SF1: variants seen among roughly 807,000 people sequenced by gnomAD.
The protein encoded by SF1 is splicing factor 1.
A neutral mutation model predicts 62.5 loss-of-function variants in SF1; 7 were observed. The observed-to-expected ratio is 0.11, with a 90% CI of 0.06 to 0.21. The LOEUF (loss-of-function observed/expected upper bound fraction) is 0.21, where lower values mean the gene tolerates loss of function less well. SF1 is among the 10% of genes least tolerant of loss of function. The pLI, the probability that SF1 is intolerant of heterozygous loss-of-function variation, is 1.00. For missense variants in SF1, 578 were observed against 884.0 expected (o/e 0.65, Z 4.39); for synonymous variants, 394 against 323.6 (o/e 1.22, Z -2.33).
At chr11:64,766,398 G>A in intron 12 of SF1, 2 of 574,936 alleles carry the variant, frequency 3.5e-6, no homozygotes, top group Non-Finnish European at 6.2e-6. Flanking sequence ...CCCTGGAAGG[G>A]CTGAGGGGAA....
chr11:64,765,810 A>ATT lies in SF1; in HGVS notation c.*7_*8insAA. ...TATATATAATATATATTTTCTTAAA[A>ATT]AACAAGTCTAGTTCTGTGGTGGAGG... is the stretch of plus-strand genomic sequence containing the variant. On this transcript the variant is annotated 3_prime_UTR_variant, in exon 13 of 13. Transcript: ENST00000377390. The ATT allele has an allele frequency of 6.5e-7, 1 of 1,531,602 alleles. No homozygotes were observed. The highest frequency in any genetic ancestry group is 8.8e-7 in the Non-Finnish European group (1 of 1,141,486). The allele number at this position is 1,531,602 out of a possible 1,614,324, so 94.9% of individuals were successfully genotyped here.
Position 64,765,259 on chromosome 11 carries a change from G to C in SF1, c.*559C>G, listed in dbSNP as rs1446281723. ...GAATCTAAATTGCAGCAGAAGACCG[G>C]GGAGAGCATCTCCTTGGACGGAGTC... On this transcript the variant is annotated 3_prime_UTR_variant, in exon 13 of 13. Transcript: ENST00000377390. 3.8e-6 allele frequency: 2 copies of C among 527,360 alleles called. No homozygotes were observed. The highest frequency in any genetic ancestry group is 3.9e-5 in the African/African-American group (2 of 50,658). 32.7% of individuals were successfully genotyped at this position (527,360 alleles called of 1,614,324 possible).
rs2058578231 is a variant in SF1 at position 64,765,473 on chromosome 11, G to A, written c.*345C>T. 1.9e-6 allele frequency: 3 copies of A among 1,613,482 alleles called. No individual in the cohort carries two copies. The highest frequency in any genetic ancestry group is 1.7e-4 in the Middle Eastern group (1 of 5,902). ...GAAGGGTCACCAATGGGCGCGGAAA[G>A]TCCTCACTCTCATGGCTCGGGCCAT... On this transcript the variant is annotated 3_prime_UTR_variant, in exon 13 of 13. Transcript: ENST00000377390.
At chr11:64,773,642 A>G in intron 2 of SF1, 137 bp from the exon 3 acceptor site, 1 of 951,956 alleles carries the variant, frequency 1.1e-6, no homozygotes, top group Non-Finnish European at 1.5e-6. Context: ...AACACATTGA[A>G]GCAAAAACCC....
Position 64,769,656 on chromosome 11 carries a change from CAA to C in SF1, c.480-49_480-48del, listed in dbSNP as rs756042005. The C allele has an allele frequency of 7.8e-6, 12 of 1,548,108 alleles. No individual in the cohort carries two copies. In the South Asian group the frequency reaches 9.3e-5, roughly 12 times the overall value. On this transcript the variant is annotated intron_variant, in intron 5 of 12. Transcript: ENST00000377390. ...AGTTTATACCTGACAAATTCACACTCAAGAGGGAAGAGAGGCTGGACCAATTT... is the reference window on the plus strand; with the variant it reads ...AGTTTATACCTGACAAATTCACACTCGAGGGAAGAGAGGCTGGACCAATTT...
Position 64,778,137 on chromosome 11 carries a change from G to A in SF1, c.31+225C>T. On this transcript the variant is annotated intron_variant, in intron 1 of 12. Transcript: ENST00000377390. Reference sequence around the variant, plus strand: ...GCGCCGGGGGACGGTGGCGGTGGAGGCGGCGGCGGCTGCTGGGGAGGCGGA... The same window carrying A: ...GCGCCGGGGGACGGTGGCGGTGGAGACGGCGGCGGCTGCTGGGGAGGCGGA... 3.7e-6 allele frequency: 3 copies of A among 811,016 alleles called. No individual in the cohort carries two copies. Among genetic ancestry groups the A allele is most frequent in the Non-Finnish European group, 4.6e-6 (3 of 652,710 alleles). The allele number at this position is 811,016 out of a possible 1,614,324, so 50.2% of individuals were successfully genotyped here. A position where few individuals can be genotyped will look rare whatever the true frequency, so the allele number is the denominator to read the frequency against.
chr11:64,778,532 G>T lies in SF1; in HGVS notation c.-140C>A. The T allele has an allele frequency of 1.7e-6, 2 of 1,198,010 alleles. No individual in the cohort carries two copies. Among genetic ancestry groups the T allele is most frequent in the Non-Finnish European group, 2.1e-6 (2 of 965,806 alleles). The allele number at this position is 1,198,010 out of a possible 1,614,324, so 74.2% of individuals were successfully genotyped here. ...CTCTCACGCGGCGGGCGGCGGCGGC[G>T]CGAGACGCACAAAGAGGGAGGAGAG... On this transcript the variant is annotated 5_prime_UTR_variant, in exon 1 of 13. Transcript: ENST00000377390.
chr11:64,768,022 T>C, intron 9 of SF1, 84 bp downstream of exon 9: 2 of 1,501,860 alleles, frequency 1.3e-6, no homozygotes, highest in South Asian at 2.5e-5. Flanking sequence ...TTGTCTGCTC[T>C]ACCCAAACCA....
chr11:64,767,388 A>G, intron 10 of SF1, 137 bp from the exon 11 acceptor site: 1 of 1,066,136 alleles, frequency 9.4e-7, no homozygotes, highest in Admixed American at 1.9e-5. Flanking sequence ...GTGCTTACCC[A>G]ACACAGAATC....
intron 2 of SF1, among the ~76,000 whole-genome samples, 194 bp from the exon 3 acceptor site, chr11:64,773,699 C>T (rs1397247636): frequency 6.6e-6 from 1 of 152,124 alleles, no homozygotes; most frequent in Non-Finnish European, 1.5e-5. Context: ...AGGTTTTTTT[C>T]ACTTCAAAAT....
chr11:64,773,157 A>T, intron 3 of SF1: 2 of 1,265,076 alleles, frequency 1.6e-6, no homozygotes, highest in Non-Finnish European at 2.0e-6. Context: ...AAGGGTGGGT[A>T]AATCAGGTTA....
intron 1 of SF1, 81 bp from the exon 2 acceptor site, chr11:64,776,707 C>G: frequency 7.4e-7 from 1 of 1,353,612 alleles, no homozygotes. Flanking sequence ...AGGTACTACA[C>G]AGAAACTCAG....
chr11:64,776,441 G>A, intron 2 of SF1, 57 bp downstream of exon 2: 1 of 1,545,812 alleles, frequency 6.5e-7, no homozygotes, highest in Non-Finnish European at 8.8e-7. Flanking sequence ...TGCAGATCTT[G>A]CTCAGAATAA....
At chr11:64,774,899 T>A (rs1024663980) in intron 2 of SF1, among the ~76,000 whole-genome samples, 1 of 150,130 alleles carries the variant, frequency 6.7e-6, no homozygotes, top group Non-Finnish European at 1.5e-5. Context: ...AGACGCAGGT[T>A]GCAGTGAGCC....
intron 2 of SF1, among the ~76,000 whole-genome samples, chr11:64,775,015 G>A (rs1401691997): frequency 2.6e-5 from 4 of 151,522 alleles, no homozygotes; most frequent in African/African-American, 9.7e-5. Context: ...AGTATGTACC[G>A]TGGGAGACAG....
intron 11 of SF1, 23 bp from the exon 12 acceptor site, chr11:64,767,102 A>G (rs2058732769): frequency 6.2e-7 from 1 of 1,607,506 alleles, no homozygotes; most frequent in Non-Finnish European, 8.5e-7. Context: ...GGAGGCAAAG[A>G]TGAGGCCTCA....
At chr11:64,776,014 T>C (rs1939166434) in intron 2 of SF1, 2 of 137,244 alleles carry the variant, frequency 1.5e-5, no homozygotes, top group African/African-American at 5.8e-5. Flanking sequence ...TAAACACACT[T>C]TCAGAACCAC....
At chr11:64,777,831 C>T (rs1390644359) in intron 1 of SF1, 3 of 950,044 alleles carry the variant, frequency 3.2e-6, no homozygotes, top group Non-Finnish European at 3.7e-6. Flanking sequence ...GGCCCTAGAA[C>T]CAGGCCGCGC....
At position 64,767,219 on chromosome 11, in the gene SF1, C is replaced by T; in HGVS notation, c.1375G>A (p.Gly459Arg). The T allele has an allele frequency of 6.2e-7, 1 of 1,614,132 alleles. No individual in the cohort carries two copies. Among genetic ancestry groups the T allele is most frequent in the Non-Finnish European group, 8.5e-7 (1 of 1,179,998 alleles). ...TTTCCTTGATGCAGGCGATAGACCC[C>T]AGAGCCCACAGGCGTACTTCCCAGG... ...QYLGSTPVGSGVYRLHQGKGM... is the reference protein window; with the variant it reads ...QYLGSTPVGSRVYRLHQGKGM... Residue 459 changes from glycine to arginine, a missense_variant, in exon 11 of 13, where the codon GGG becomes AGG. Gly to Arg is a moderately radical substitution (Grantham distance 125, BLOSUM62 -2). This residue lies in a region of SF1 where 410 missense variants were observed against 452.4 expected (regional missense o/e 0.91). Coordinates refer to ENST00000377390, the MANE Select transcript of SF1 (RefSeq NM_004630.4).
Sources: gnomAD v4.1 joint callset for allele counts (sites outside exome capture counted in the v4.1 genomes callset) on GRCh38, gnomAD v4.1.1 for gene constraint, gnomAD v4.1.1 regional missense constraint, MANE v1.5 for transcripts, NCBI Gene and HGNC (gene_info 2026-07-23, HGNC 2026-07-21) for gene names.